Variants in AFAP1 observed in about 807,000 individuals in gnomAD.
AFAP1 encodes actin filament-associated protein 1.
AFAP1 carries 75 observed loss-of-function variants against 93.9 expected under a neutral mutation model. The ratio of observed to expected loss-of-function variants is 0.80; its 90% CI spans 0.66 to 0.97. AFAP1 has a LOEUF of 0.97. AFAP1 is among the 50% of genes least tolerant of loss of function. The probability of loss-of-function intolerance (pLI) is 0.00; values close to 1 mark genes in which losing one functional copy is unlikely to be tolerated. For synonymous variants in AFAP1, 517 were observed against 430.7 expected (o/e 1.20, Z -2.48); for missense variants, 1,201 against 1,050.8 (o/e 1.14, Z -1.98).
At chr4:7,932,903 C>A (rs1349370299) in intron 1 of AFAP1, among the ~76,000 whole-genome samples, 1 of 151,514 alleles carries the variant, frequency 6.6e-6, no homozygotes, top group African/African-American at 2.4e-5. Flanking sequence ...GCCTGTAGTC[C>A]CAGCTACTCA....
At chr4:7,863,463 G>A (rs1398690453) in intron 3 of AFAP1, among the ~76,000 whole-genome samples, 1 of 152,114 alleles carries the variant, frequency 6.6e-6, no homozygotes, top group African/African-American at 2.4e-5. Context: ...GAAAATAAAA[G>A]CACAGCTCTT....
At chr4:7,873,506 G>A (rs1046738117) in intron 1 of AFAP1, among the ~76,000 whole-genome samples, 19 of 150,724 alleles carry the variant, frequency 1.3e-4, no homozygotes, top group African/African-American at 4.6e-4. Context: ...CCGCCACCAC[G>A]CCCAGCTAAT....
At chr4:7,815,818 AAAG>A (rs1161996385) in intron 8 of AFAP1, among the ~76,000 whole-genome samples, 197 bp downstream of exon 8, 2 of 152,190 alleles carry the variant, frequency 1.3e-5, no homozygotes, top group South Asian at 2.1e-4. Context: ...CAGGATGGAA[AAAG>A]AAGACCTGCA....
At chr4:7,920,055 G>A (rs1446281451) in intron 1 of AFAP1, among the ~76,000 whole-genome samples, 1 of 152,090 alleles carries the variant, frequency 6.6e-6, no homozygotes, top group East Asian at 1.9e-4. Context: ...TGGGCGTTTG[G>A]GTTGATTCCC....
At chr4:7,787,473 G>A (rs1717410104) in intron 11 of AFAP1, among the ~76,000 whole-genome samples, 1 of 152,232 alleles carries the variant, frequency 6.6e-6, no homozygotes, top group South Asian at 2.1e-4. Context: ...TCCTGGACCT[G>A]TGACTGGCAT....
At chr4:7,795,949 A>G (rs1297204718) in intron 10 of AFAP1, among the ~76,000 whole-genome samples, 1 of 152,204 alleles carries the variant, frequency 6.6e-6, no homozygotes, top group Non-Finnish European at 1.5e-5. Context: ...CTTTTAATAC[A>G]TAGATAGGTA....
At chr4:7,868,741 A>G in intron 2 of AFAP1, 22 bp from the exon 3 acceptor site, 1 of 1,606,426 alleles carries the variant, frequency 6.2e-7, no homozygotes, top group Non-Finnish European at 8.5e-7. Flanking sequence ...AACCAGAACC[A>G]CAGAACTGGA....
intron 4 of AFAP1, among the ~76,000 whole-genome samples, chr4:7,851,800 G>T (rs1248881200): frequency 6.6e-6 from 1 of 152,048 alleles, no homozygotes; most frequent in Non-Finnish European, 1.5e-5. Context: ...CACCATCCCT[G>T]GGATATCAGC....
At chr4:7,868,589 G>A (rs553571419) in intron 3 of AFAP1, 33 bp downstream of exon 3, 11 of 1,593,508 alleles carry the variant, frequency 6.9e-6, no homozygotes, top group Middle Eastern at 1.7e-4. Flanking sequence ...GGCCTCCAGC[G>A]ATGACCACTG....
intron 3 of AFAP1, among the ~76,000 whole-genome samples, chr4:7,861,622 C>A (rs974841667): frequency 2.6e-5 from 4 of 152,240 alleles, no homozygotes; most frequent in African/African-American, 7.2e-5. Flanking sequence ...CATGTCATCT[C>A]CCCTCCCTTT....
intron 5 of AFAP1, among the ~76,000 whole-genome samples, chr4:7,840,754 G>C (rs955004995): frequency 6.6e-6 from 1 of 152,154 alleles, no homozygotes; most frequent in Non-Finnish European, 1.5e-5. Context: ...GACCATTTGA[G>C]ATTTTCTGCA....
At chr4:7,814,121 C>T (rs1720273302) in intron 8 of AFAP1, among the ~76,000 whole-genome samples, 1 of 152,196 alleles carries the variant, frequency 6.6e-6, no homozygotes, top group South Asian at 2.1e-4. Flanking sequence ...ATCCAAAACA[C>T]ATCTGATAAA....
chr4:7,758,782 G>GA lies in AFAP1; in HGVS notation c.*4982dup, dbSNP rs1461977294. The GA allele has an allele frequency of 6.6e-6, 1 of 152,252 alleles. No homozygotes were observed. Among genetic ancestry groups the GA allele is most frequent in the Non-Finnish European group, 1.5e-5 (1 of 68,044 alleles). 9.4% of individuals were successfully genotyped at this position (152,252 alleles called of 1,614,324 possible). ...GCGCCAGTCTAGGGTTACACCACGT[G>GA]AAACAGTAGAAAATTCAACCAGGAA... On this transcript the variant is annotated 3_prime_UTR_variant, in exon 18 of 18. Coordinates refer to ENST00000420658, the MANE Select transcript of AFAP1 (RefSeq NM_001134647.2).
intron 6 of AFAP1, among the ~76,000 whole-genome samples, chr4:7,833,074 C>A (rs932695457): frequency 6.6e-6 from 1 of 152,158 alleles, no homozygotes; most frequent in Non-Finnish European, 1.5e-5. Context: ...CAGAAAAACC[C>A]TTCTAGACAT....
intron 1 of AFAP1, among the ~76,000 whole-genome samples, chr4:7,899,194 T>C (rs990024095): frequency 1.3e-5 from 2 of 152,148 alleles, no homozygotes; most frequent in Admixed American, 6.5e-5. Context: ...ACCTCCTAGA[T>C]AGGGCAATGA....
chr4:7,848,112 G>C (rs28575229), intron 4 of AFAP1, among the ~76,000 whole-genome samples: 24 of 83,232 alleles, frequency 2.9e-4, no homozygotes, highest in Non-Finnish European at 5.6e-4. Context: ...AGGAAGGAAG[G>C]AAGGAAGGAA....
intron 1 of AFAP1, among the ~76,000 whole-genome samples, chr4:7,931,112 G>A (rs1264372248): frequency 1.3e-5 from 2 of 152,150 alleles, no homozygotes; most frequent in Non-Finnish European, 2.9e-5. Context: ...AGGAGGAGCG[G>A]GGAGGGTAAG....
intron 1 of AFAP1, among the ~76,000 whole-genome samples, chr4:7,907,192 G>T (rs1286778007): frequency 1.3e-5 from 2 of 152,104 alleles, no homozygotes; most frequent in African/African-American, 4.8e-5. Context: ...TTCCACTAAT[G>T]CTGTGACCTT....
At position 7,768,935 on chromosome 4, in the gene AFAP1, G is replaced by C; in HGVS notation, c.2327C>G (p.Pro776Arg). The C allele has an allele frequency of 6.2e-7, 1 of 1,613,910 alleles. No homozygotes were observed. Among genetic ancestry groups the C allele is most frequent in the Non-Finnish European group, 8.5e-7 (1 of 1,179,906 alleles). Residue 776 changes from proline (P) to arginine (R), a missense_variant, in exon 17 of 18, where the codon CCC (proline) becomes CGC (arginine). Physicochemically the swap from Pro to Arg is moderately radical, Grantham distance 103. Transcript: ENST00000420658. ...GACGGCCGCGCTGTTCACCGGCACG[G>C]GGCCCTCGGTGTCACTGGTGTCACA... Reference protein sequence around the residue: ...SSCDTSDTEGPVPVNSAAVLK... With the variant: ...SSCDTSDTEGRVPVNSAAVLK...
Sources: allele counts gnomAD v4.1 joint callset (sites outside exome capture counted in the v4.1 genomes callset), GRCh38; gene constraint gnomAD v4.1.1; transcripts MANE v1.5; gene names NCBI Gene and HGNC (gene_info 2026-07-23, HGNC 2026-07-21).